Variants in PSME4 observed in about 807,000 individuals in gnomAD.
The protein encoded by PSME4 is proteasome activator subunit 4.
In PSME4, 89 loss-of-function variants were observed where a neutral mutation model predicts 253.9. That is an observed-to-expected ratio of 0.35 (90% CI 0.30 to 0.42). The LOEUF (loss-of-function observed/expected upper bound fraction) is 0.42. Ranked by LOEUF, PSME4 falls within the 10% of genes least tolerant of loss-of-function variation. PSME4 has a pLI of 1.00. For missense variants in PSME4, 2,014 were observed against 2,195.2 expected, an observed-to-expected ratio of 0.92 and a Z score of 1.65; for synonymous variants, 851 against 759.2, an observed-to-expected ratio of 1.12 and a Z score of -1.99.
At chr2:53,954,356 T>C (rs914688036) in intron 1 of PSME4, among the ~76,000 whole-genome samples, 1 of 150,578 alleles carries the variant, frequency 6.6e-6, no homozygotes, top group Non-Finnish European at 1.5e-5. Context: ...AGAAAGACAG[T>C]GGGCTAGGCG....
chr2:53,869,316 G>A, intron 44 of PSME4, 60 bp downstream of exon 44: 1 of 1,420,578 alleles, frequency 7.0e-7, no homozygotes, highest in Non-Finnish European at 9.6e-7. Flanking sequence ...ATATGAGTAA[G>A]CCTGGTTAAC....
At chr2:53,866,966 T>C in intron 44 of PSME4, 86 bp from the exon 45 acceptor site, 1 of 1,333,640 alleles carries the variant, frequency 7.5e-7, no homozygotes. Context: ...TTTTCAATTG[T>C]GTTGTTTTCA....
intron 1 of PSME4, among the ~76,000 whole-genome samples, chr2:53,953,482 T>C (rs1382092813): frequency 6.1e-5 from 5 of 82,042 alleles, no homozygotes; most frequent in African/African-American, 1.9e-4. Context: ...AAACCCCATG[T>C]CTATTAAAAA....
At chr2:53,948,947 T>C (rs1669848086) in intron 2 of PSME4, among the ~76,000 whole-genome samples, 196 bp downstream of exon 2, 1 of 152,200 alleles carries the variant, frequency 6.6e-6, no homozygotes, top group African/African-American at 2.4e-5. Flanking sequence ...GAAGAGACCA[T>C]GTCATGGAAG....
chr2:53,902,590 T>A (rs1007225153), intron 27 of PSME4, among the ~76,000 whole-genome samples: 25 of 152,320 alleles, frequency 1.6e-4, no homozygotes, highest in African/African-American at 4.8e-4. Context: ...TCTAATTTTG[T>A]CCATTTAAAC....
In PSME4 at chr2:53,950,094, G is replaced by C. The variant is rs144787709; in HGVS notation, c.243-811C>G. On this transcript the variant is annotated intron_variant, in intron 1 of 46. Transcript: ENST00000404125. ...GTTCAAGACCAGCCTGGGCAACGTA[G>C]CAAAACCCAGTCTCTACAACAAATA... Among the ~76,000 whole-genome samples, 476 of 152,162 alleles carry C rather than the reference G, an allele frequency of 3.1e-3. 2 individuals carry two copies. Among genetic ancestry groups the C allele is most frequent in the African/African-American group, 9.6e-3 (400 of 41,502 alleles).
At chr2:53,925,847 C>T in intron 13 of PSME4, 112 bp downstream of exon 13, 1 of 1,263,272 alleles carries the variant, frequency 7.9e-7, no homozygotes, top group Non-Finnish European at 1.1e-6. Context: ...ACTTCAGGAG[C>T]ACCAGTAGTA....
intron 41 of PSME4, among the ~76,000 whole-genome samples, chr2:53,879,869 G>A (rs1056057023): frequency 2.7e-5 from 4 of 150,762 alleles, no homozygotes; most frequent in Non-Finnish European, 2.9e-5. Flanking sequence ...CAACTGGTGC[G>A]ATGTCAGAAC....
At chr2:53,966,906 G>A (rs1670764859) in intron 1 of PSME4, among the ~76,000 whole-genome samples, 1 of 152,082 alleles carries the variant, frequency 6.6e-6, no homozygotes, top group African/African-American at 2.4e-5. Context: ...CACCATGTTG[G>A]TCAGGCTGGT....
At chr2:53,966,237 T>C (rs149394938) in intron 1 of PSME4, among the ~76,000 whole-genome samples, 3,095 of 152,238 alleles carry the variant, frequency 0.02, 102 homozygotes, top group African/African-American at 0.071. Context: ...TGAGCCGACA[T>C]TGTGCCACTG....
chr2:53,920,432 A>T (rs1405746376), intron 18 of PSME4, 82 bp from the exon 19 acceptor site: 3 of 1,323,234 alleles, frequency 2.3e-6, no homozygotes, highest in Non-Finnish European at 3.0e-6. Context: ...CACAATTTTT[A>T]AAATTTAAAA....
intron 1 of PSME4, 52 bp from the exon 2 acceptor site, chr2:53,949,335 C>A: frequency 8.3e-7 from 1 of 1,211,592 alleles, no homozygotes; most frequent in Non-Finnish European, 1.1e-6. Flanking sequence ...ATGACACATC[C>A]ATGTTCAATG....
At chr2:53,969,354 C>T (rs773696858) in intron 1 of PSME4, among the ~76,000 whole-genome samples, 1 of 152,104 alleles carries the variant, frequency 6.6e-6, no homozygotes, top group Non-Finnish European at 1.5e-5. Flanking sequence ...AAGGTCCCAC[C>T]CACCCCTCAA....
chr2:53,953,744 T>A (rs1670106834), intron 1 of PSME4, among the ~76,000 whole-genome samples: 1 of 152,276 alleles, frequency 6.6e-6, no homozygotes, highest in Admixed American at 6.5e-5. Flanking sequence ...TATCTACAGA[T>A]GGTGCATTCC....
Position 53,921,112 on chromosome 2 carries a change from G to T in PSME4, c.2047-8C>A. Reference sequence around the variant, plus strand: ...TCCATCCACTCGAGTAATCTAAAAGGAGGGAAAAAATAGTTGAAGATATTT... The same window carrying T: ...TCCATCCACTCGAGTAATCTAAAAGTAGGGAAAAAATAGTTGAAGATATTT... On this transcript the variant is annotated splice_region_variant and splice_polypyrimidine_tract_variant and intron_variant, in intron 17 of 46. Coordinates refer to ENST00000404125, the MANE Select transcript of PSME4 (RefSeq NM_014614.3). The T allele has an allele frequency of 6.2e-7, 1 of 1,611,254 alleles. No individual in the cohort carries two copies. Among genetic ancestry groups the T allele is most frequent in the East Asian group, 2.2e-5 (1 of 44,850 alleles).
chr2:53,968,101 T>G (rs915537696), intron 1 of PSME4, among the ~76,000 whole-genome samples: 7 of 151,840 alleles, frequency 4.6e-5, no homozygotes, highest in Non-Finnish European at 8.8e-5. Flanking sequence ...GGTGAAACCC[T>G]GTCTCTACTA....
At chr2:53,888,143 T>C (rs1049349456) in intron 38 of PSME4, 154 bp from the exon 39 acceptor site, 3 of 643,234 alleles carry the variant, frequency 4.7e-6, no homozygotes, top group Non-Finnish European at 6.9e-6. Context: ...AGCCTCTTTA[T>C]GAAGATTTTA....
Position 53,895,036 on chromosome 2 carries a change from G to C in PSME4, c.3883C>G (p.Leu1295Val), listed in dbSNP as rs1364158853. 6.2e-7 allele frequency: 1 copy of C among 1,612,864 alleles called. No individual in the cohort carries two copies. Among genetic ancestry groups the C allele is most frequent in the South Asian group, 1.1e-5 (1 of 90,924 alleles). The change falls in exon 34 of 47, where the codon CTT becomes GTT. Residue 1295 changes from leucine (L) to valine (V), a missense_variant. Coordinates refer to ENST00000404125, the MANE Select transcript of PSME4 (RefSeq NM_014614.3). ...GTCATATCCTCCCTGCTTCTGCCAA[G>C]CTTAGGCTGCTCTTCCACACCAGCA... ...VYAGVEEQPKLGRSREDMTEA... is the reference protein window; with the variant it reads ...VYAGVEEQPKVGRSREDMTEA...
chr2:53,932,394 G>T (rs1156855218), intron 9 of PSME4, among the ~76,000 whole-genome samples: 1 of 152,084 alleles, frequency 6.6e-6, no homozygotes, highest in African/African-American at 2.4e-5. Flanking sequence ...CAGATGACAG[G>T]ATAAAACTGA....
Sources: gnomAD v4.1 joint callset for allele counts (sites outside exome capture counted in the v4.1 genomes callset) on GRCh38, gnomAD v4.1.1 for gene constraint, MANE v1.5 for transcripts, NCBI Gene and HGNC (gene_info 2026-07-23, HGNC 2026-07-21) for gene names.